The following CLMN variants were observed in gnomAD, a reference collection of about 807,000 sequenced individuals.
CLMN encodes calmin (calponin-like, transmembrane).
Under a neutral mutation model 92.7 loss-of-function variants are expected in CLMN, and 57 were observed. The observed-to-expected ratio is 0.61, with a 90% CI of 0.50 to 0.77. The LOEUF is 0.77. Among genes scored for constraint, CLMN ranks in the 30% least tolerant of loss-of-function variants. The pLI is 0.00. For missense variants in CLMN, 1,158 were observed against 1,237.5 expected (o/e 0.94, Z 0.96); for synonymous variants, 466 against 470.6 (o/e 0.99, Z 0.13).
Position 95,204,258 on chromosome 14 carries a change from A to G in CLMN, c.1091T>C (p.Leu364Pro), listed in dbSNP as rs745455888. Reference protein sequence around the residue: ...DKPESMKEFRLDGVSSHALSD... With the variant: ...DKPESMKEFRPDGVSSHALSD... ...CAGCGCATGGCTGGAAACACCATCCAGGCGGAATTCCTTCATGCTCTCGGG... is the reference window on the plus strand; with the variant it reads ...CAGCGCATGGCTGGAAACACCATCCGGGCGGAATTCCTTCATGCTCTCGGG... The change falls in exon 9 of 13, where the codon CTG becomes CCG. Residue 364 changes from leucine (L) to proline (P), a missense_variant. Coordinates refer to ENST00000298912, the MANE Select transcript of CLMN (RefSeq NM_024734.4). The G allele has an allele frequency of 1.9e-6, 3 of 1,614,030 alleles. No homozygotes were observed. The highest frequency in any genetic ancestry group is 2.7e-5 in the African/African-American group (2 of 74,912).
chr14:95,319,831 G>C lies in CLMN; in HGVS notation c.-39C>G. The C allele has an allele frequency of 8.1e-7, 1 of 1,241,850 alleles. No homozygotes were observed. Among genetic ancestry groups the C allele is most frequent in the Non-Finnish European group, 1.0e-6 (1 of 977,326 alleles). 76.9% of individuals were successfully genotyped at this position (1,241,850 alleles called of 1,614,324 possible). A position where few individuals can be genotyped will look rare whatever the true frequency, so the allele number is the denominator to read the frequency against. ...GAGAGCCCGGGCCAGCGCGGCGCGG[G>C]CGGCGGGCGCGGAGAGCCTGGCTGG... On this transcript the variant is annotated 5_prime_UTR_variant, in exon 1 of 13. Coordinates refer to ENST00000298912, the MANE Select transcript of CLMN (RefSeq NM_024734.4).
chr14:95,287,582 T>A (rs2046057196), intron 1 of CLMN, among the ~76,000 whole-genome samples: 1 of 152,206 alleles, frequency 6.6e-6, no homozygotes, highest in African/African-American at 2.4e-5. Context: ...GAGTTCCTGA[T>A]GCAGTAGGCT....
Position 95,203,157 on chromosome 14 carries a change from T to C in CLMN, c.2192A>G (p.His731Arg). ...AACTGCAGCCAGGGGAACCTCATAG[T>C]GTGGGAAATAGAAGAGGTCGTGGGG... Reference protein sequence around the residue: ...VIPHDLFYFPHYEVPLAAVLE... With the variant: ...VIPHDLFYFPRYEVPLAAVLE... The change falls in exon 9 of 13, where the codon CAC (histidine) becomes CGC (arginine). Residue 731 changes from histidine to arginine, a missense_variant. His to Arg is a conservative substitution (Grantham distance 29). Transcript: ENST00000298912. 6.2e-7 allele frequency: 1 copy of C among 1,612,564 alleles called. No individual in the cohort carries two copies. The highest frequency in any genetic ancestry group is 8.5e-7 in the Non-Finnish European group (1 of 1,179,994).
At chr14:95,298,609 G>A (rs1468235495) in intron 1 of CLMN, among the ~76,000 whole-genome samples, 1 of 152,230 alleles carries the variant, frequency 6.6e-6, no homozygotes, top group Non-Finnish European at 1.5e-5. Flanking sequence ...ACCAGGCTAA[G>A]TTAATCTTGG....
rs1269318902 is a variant in CLMN, at chr14:95,294,554, G to A, written c.82+25157C>T. Among the ~76,000 whole-genome samples the A allele has an allele frequency of 6.6e-6, 1 of 152,210 alleles. No homozygotes were observed. Among genetic ancestry groups the A allele is most frequent in the Admixed American group, 6.5e-5 (1 of 15,290 alleles). On this transcript the variant is annotated intron_variant, in intron 1 of 12. Transcript: ENST00000298912. The surrounding 1 kb of genome is among the most constrained non-coding windows in gnomAD (Gnocchi z 4.2). ...CCCCTCCCTCACCTGTCCCTTCCGAGTCACATGATCTTGGGAAGTTACCTC... is the reference window on the plus strand; with the variant it reads ...CCCCTCCCTCACCTGTCCCTTCCGAATCACATGATCTTGGGAAGTTACCTC...
intron 1 of CLMN, among the ~76,000 whole-genome samples, chr14:95,245,780 G>C (rs1313939294): frequency 7.1e-6 from 1 of 141,616 alleles, no homozygotes; most frequent in Non-Finnish European, 1.5e-5. Context: ...GGATAGGTGG[G>C]TGGGTGGTTG....
At chr14:95,193,558 A>T in intron 12 of CLMN, 1 of 669,260 alleles carries the variant, frequency 1.5e-6, no homozygotes, top group Non-Finnish European at 2.5e-6. Flanking sequence ...CCTATACTCT[A>T]TACCACTCAT....
chr14:95,305,710 T>C (rs149085809), intron 1 of CLMN, among the ~76,000 whole-genome samples: 128 of 152,230 alleles, frequency 8.4e-4, no homozygotes, highest in African/African-American at 2.9e-3. Context: ...CACAGCATAA[T>C]GGATGAAAAG....
chr14:95,291,394 G>C (rs1900560712), intron 1 of CLMN, among the ~76,000 whole-genome samples: 1 of 152,222 alleles, frequency 6.6e-6, no homozygotes, highest in East Asian at 1.9e-4. Flanking sequence ...GCTAATACCT[G>C]GGACCGCATG....
At chr14:95,295,480 G>C (rs944738090) in intron 1 of CLMN, among the ~76,000 whole-genome samples, 1 of 152,188 alleles carries the variant, frequency 6.6e-6, no homozygotes, top group Non-Finnish European at 1.5e-5. Context: ...GCTGCACAGG[G>C]GATACGTACG....
intron 9 of CLMN, among the ~76,000 whole-genome samples, chr14:95,197,994 C>T (rs185925133): frequency 6.7e-6 from 1 of 148,828 alleles, no homozygotes; most frequent in East Asian, 2.0e-4. Flanking sequence ...AGAAGAAAAA[C>T]TTGCCATTTT....
chr14:95,274,033 C>G (rs1899821659), intron 1 of CLMN, among the ~76,000 whole-genome samples: 2 of 152,200 alleles, frequency 1.3e-5, no homozygotes, highest in African/African-American at 4.8e-5. Context: ...GGGTCCTTTA[C>G]CGATGTAGTT....
chr14:95,190,301 G>C lies in CLMN; in HGVS notation c.*1263C>G, dbSNP rs934271619. The C allele has an allele frequency of 2.6e-5, 4 of 152,262 alleles. No homozygotes were observed. Among genetic ancestry groups the C allele is most frequent in the African/African-American group, 7.2e-5 (3 of 41,456 alleles). 9.4% of individuals were successfully genotyped at this position (152,262 alleles called of 1,614,324 possible). A position where few individuals can be genotyped will look rare whatever the true frequency, so the allele number is the denominator to read the frequency against. ...TGGACAGGGCATCAGGTGCCTGTGT[G>C]CTCACTGCAAGTCTGCCCCTGGTCG... is the stretch of plus-strand genomic sequence containing the variant. On this transcript the variant is annotated 3_prime_UTR_variant, in exon 13 of 13. Transcript: ENST00000298912.
intron 1 of CLMN, among the ~76,000 whole-genome samples, chr14:95,317,666 AC>A (rs1901850297): frequency 6.6e-6 from 1 of 151,944 alleles, no homozygotes; most frequent in Admixed American, 6.6e-5. Context: ...TAGCGGCAAA[AC>A]TAACTTTCAG....
At chr14:95,219,878 G>C (rs1353665704) in intron 4 of CLMN, among the ~76,000 whole-genome samples, 1 of 152,166 alleles carries the variant, frequency 6.6e-6, no homozygotes, top group East Asian at 1.9e-4. Context: ...AAAGATGTAT[G>C]CAAGAATCAC....
rs1897551562 is a variant in CLMN, at chr14:95,221,811, C to A, written c.241-37G>T. 8 of 1,584,690 alleles carry A rather than the reference C, an allele frequency of 5.0e-6. 1 individual carries two copies. The East Asian group carries it at 1.6e-4, about 31-fold the overall frequency. On this transcript the variant is annotated intron_variant, in intron 3 of 12. Transcript: ENST00000298912. ...AACAGAACAAAACAAGCACATTAAA[C>A]CCGCACAGGCACTTCCCAACACCCA...
In CLMN at chr14:95,242,250, C is replaced by CTTTTTTT. The variant is rs371417505; in HGVS notation, c.83-12124_83-12118dup. Among the ~76,000 whole-genome samples, 195 of 92,590 alleles carry CTTTTTTT rather than the reference C, an allele frequency of 2.1e-3. 1 individual carries two copies. Among genetic ancestry groups the CTTTTTTT allele is most frequent in the Non-Finnish European group, 2.8e-3 (122 of 43,372 alleles). The allele number at this position is 92,590 out of a possible 152,430, so 60.7% of individuals were successfully genotyped here. A position where few individuals can be genotyped will look rare whatever the true frequency, so the allele number is the denominator to read the frequency against. The stretch of plus-strand genomic sequence containing the variant: ...GGCATTTCTTTTCTTTTTTCTTTTT[C>CTTTTTTT]TTTTTTTTTTTTTTTTTTTTTTTTT... On this transcript the variant is annotated intron_variant, in intron 1 of 12. Transcript: ENST00000298912.
intron 1 of CLMN, among the ~76,000 whole-genome samples, chr14:95,268,791 TCTC>T (rs200636250): frequency 3.1e-4 from 33 of 108,172 alleles, no homozygotes; most frequent in South Asian, 9.6e-4. Context: ...TCTCTCTCTC[TCTC>T]TTTTTTTTTT....
chr14:95,312,932 G>T (rs1424029396), intron 1 of CLMN, among the ~76,000 whole-genome samples: 1 of 152,158 alleles, frequency 6.6e-6, no homozygotes, highest in Non-Finnish European at 1.5e-5. Flanking sequence ...ACGGCCAGGT[G>T]CAGTGGCTCA....
Sources: allele counts gnomAD v4.1 joint callset (sites outside exome capture counted in the v4.1 genomes callset), GRCh38; gene constraint gnomAD v4.1.1; non-coding constraint Gnocchi (gnomAD v3.1); transcripts MANE v1.5; gene names NCBI Gene and HGNC (gene_info 2026-07-23, HGNC 2026-07-21).